PTPRJ: variants seen among roughly 807,000 people sequenced by gnomAD.
The protein encoded by PTPRJ is protein tyrosine phosphatase receptor type J.
Under a neutral mutation model 141.3 loss-of-function variants are expected in PTPRJ, and 129 were observed. That is an observed-to-expected ratio of 0.91 (90% CI 0.79 to 1.06). The LOEUF (loss-of-function observed/expected upper bound fraction) is 1.06, where lower values mean the gene tolerates loss of function less well. PTPRJ is among the 50% of genes least tolerant of loss of function. The pLI is 0.00. For missense variants in PTPRJ, 1,601 were observed against 1,679.7 expected (o/e 0.95, Z 0.82); for synonymous variants, 610 against 640.5 (o/e 0.95, Z 0.72).
chr11:48,008,975 A>G (rs1374689076), intron 1 of PTPRJ, among the ~76,000 whole-genome samples: 1 of 152,214 alleles, frequency 6.6e-6, no homozygotes, highest in African/African-American at 2.4e-5. Flanking sequence ...AGTTCCTTCT[A>G]TAATAAAACT....
chr11:48,162,273 G>T (rs1054438008), intron 22 of PTPRJ, among the ~76,000 whole-genome samples: 2 of 151,574 alleles, frequency 1.3e-5, no homozygotes, highest in Admixed American at 1.3e-4. Flanking sequence ...CCTAACCTGA[G>T]CCCCTTTGCC....
At chr11:48,165,084 T>C (rs1857887311) in intron 24 of PTPRJ, among the ~76,000 whole-genome samples, 1 of 152,246 alleles carries the variant, frequency 6.6e-6, no homozygotes. Context: ...TTTACCTTGC[T>C]GCCTCTGACT....
intron 1 of PTPRJ, among the ~76,000 whole-genome samples, chr11:48,090,871 C>T (rs976734101): frequency 3.9e-5 from 6 of 152,116 alleles, no homozygotes; most frequent in African/African-American, 1.4e-4. Flanking sequence ...GTCATTCAGG[C>T]CCAGTCCTTG....
chr11:48,058,839 T>TC (rs1300455677), intron 1 of PTPRJ, among the ~76,000 whole-genome samples: 2 of 152,164 alleles, frequency 1.3e-5, no homozygotes, highest in Non-Finnish European at 1.5e-5. Context: ...GGCAAGATCC[T>TC]CCCAAAGGCC....
chr11:48,039,689 T>C (rs1164674833), intron 1 of PTPRJ, among the ~76,000 whole-genome samples: 1 of 152,192 alleles, frequency 6.6e-6, no homozygotes, highest in Non-Finnish European at 1.5e-5. Flanking sequence ...TCACCCCTCT[T>C]ATTTTTGAAG....
At chr11:48,046,914 T>TATA (rs1565274954) in intron 1 of PTPRJ, among the ~76,000 whole-genome samples, 670 of 59,288 alleles carry the variant, frequency 0.011, 1 homozygote, top group Non-Finnish European at 0.014. Context: ...ATATATATAT[T>TATA]TTTTTTTTTT....
intron 1 of PTPRJ, among the ~76,000 whole-genome samples, chr11:48,057,367 G>A (rs1246402472): frequency 2.6e-5 from 4 of 152,084 alleles, no homozygotes; most frequent in East Asian, 1.9e-4. Context: ...TTCAGATTTC[G>A]GAACCACTTA....
intron 1 of PTPRJ, among the ~76,000 whole-genome samples, chr11:48,063,330 AAAC>A (rs1459403774): frequency 3.3e-5 from 5 of 152,214 alleles, no homozygotes; most frequent in South Asian, 4.1e-4. Context: ...TCCATCTCAA[AAAC>A]AACAACAACA....
intron 1 of PTPRJ, among the ~76,000 whole-genome samples, chr11:48,072,292 C>T (rs1271670307): frequency 6.6e-6 from 1 of 152,162 alleles, no homozygotes; most frequent in Non-Finnish European, 1.5e-5. Flanking sequence ...AGCATCTGGC[C>T]AGGGCCTTCT....
intron 1 of PTPRJ, among the ~76,000 whole-genome samples, chr11:48,022,917 G>A (rs1853692272): frequency 6.6e-6 from 1 of 152,160 alleles, no homozygotes; most frequent in African/African-American, 2.4e-5. Flanking sequence ...AGCTGGTGGG[G>A]ATAGGCCTGG....
At position 48,127,969 on chromosome 11, in the gene PTPRJ, C is replaced by T; in HGVS notation, c.1283C>T (p.Thr428Ile). The T allele has an allele frequency of 1.2e-6, 2 of 1,614,166 alleles. No homozygotes were observed. Among genetic ancestry groups the T allele is most frequent in the East Asian group, 2.2e-5 (1 of 44,874 alleles). ...GTCATCCCCGGACTCCGCTCCAGCA[C>T]CTTCTACAACATCACAGTGTGTCCT... ...RAVIPGLRSS[T>I]FYNITVCPVL... Residue 428 changes from threonine (T) to isoleucine (I), a missense_variant, in exon 7 of 25, where the codon ACC becomes ATC. Thr to Ile is a moderately conservative substitution (Grantham distance 89, BLOSUM62 -1). Coordinates refer to ENST00000418331, the MANE Select transcript of PTPRJ (RefSeq NM_002843.4).
chr11:48,085,414 G>A (rs925259405), intron 1 of PTPRJ, among the ~76,000 whole-genome samples: 35 of 151,992 alleles, frequency 2.3e-4, no homozygotes, highest in Non-Finnish European at 4.4e-5. Context: ...GTACAATCTT[G>A]GCTCACTGCA....
intron 1 of PTPRJ, among the ~76,000 whole-genome samples, chr11:48,092,221 G>A (rs1855882579): frequency 6.7e-6 from 1 of 149,134 alleles, no homozygotes; most frequent in African/African-American, 2.5e-5. Flanking sequence ...CTTGAACCTG[G>A]GAGGCGGGGG....
In PTPRJ at chr11:48,130,459, C is replaced by G; in HGVS notation, c.1358C>G (p.Pro453Arg). The G allele has an allele frequency of 6.2e-7, 1 of 1,609,582 alleles. No individual in the cohort carries two copies. Among genetic ancestry groups the G allele is most frequent in the Non-Finnish European group, 8.5e-7 (1 of 1,177,028 alleles). Residue 453 changes from proline to arginine, a missense_variant and splice_region_variant, in exon 8 of 25, where the codon CCC (proline) becomes CGC (arginine). Physicochemically the swap from Pro to Arg is moderately radical, Grantham distance 103. Transcript: ENST00000418331. ...GTPGFLQVHT[P>R]PVPVSDFRVT... ...CTAGTTGTTTACTTTCTTTGCATAG[C>G]CCCTGTTCCAGTTTCTGACTTCCGA...
intron 1 of PTPRJ, among the ~76,000 whole-genome samples, chr11:47,998,953 A>G (rs906211744): frequency 6.6e-6 from 1 of 152,188 alleles, no homozygotes; most frequent in Non-Finnish European, 1.5e-5. Flanking sequence ...ATGTGATCTT[A>G]TGGTCTGACT....
rs140830914 is a variant in PTPRJ, at chr11:48,154,269, A to G, written c.3229+383A>G. Among the ~76,000 whole-genome samples the G allele has an allele frequency of 3.7e-4, 56 of 152,290 alleles. 1 individual carries two copies. In the East Asian group the frequency reaches 6.9e-3, roughly 19 times the overall value. On this transcript the variant is annotated intron_variant, in intron 19 of 24. Coordinates refer to ENST00000418331, the MANE Select transcript of PTPRJ (RefSeq NM_002843.4). ...TTCTTAACCCCTCTGTCTCACAACT[A>G]TTTATTTCAGTTCTATAATTCTGGA... is the stretch of plus-strand genomic sequence containing the variant.
At chr11:48,070,500 CAAAAAAAAAA>C (rs35904394) in intron 1 of PTPRJ, among the ~76,000 whole-genome samples, 1 of 73,238 alleles carries the variant, frequency 1.4e-5, no homozygotes, top group African/African-American at 5.0e-5. Flanking sequence ...ACTCTGTCTC[CAAAAAAAAAA>C]AAAAAAAAAG....
At chr11:48,134,868 G>GTT (rs1171821647) in intron 8 of PTPRJ, among the ~76,000 whole-genome samples, 3 of 152,142 alleles carry the variant, frequency 2.0e-5, no homozygotes, top group African/African-American at 7.2e-5. Context: ...GGGTGTGCCT[G>GTT]TTTTCTTCCC....
intron 1 of PTPRJ, among the ~76,000 whole-genome samples, chr11:48,048,699 C>T (rs570404865): frequency 1.3e-5 from 2 of 152,312 alleles, no homozygotes; most frequent in African/African-American, 4.8e-5. Context: ...GAGGCTGAGG[C>T]AGGAGAATCT....
Sources: allele counts gnomAD v4.1 joint callset (sites outside exome capture counted in the v4.1 genomes callset), GRCh38; gene constraint gnomAD v4.1.1; transcripts MANE v1.5; gene names NCBI Gene and HGNC (gene_info 2026-07-23, HGNC 2026-07-21).